The following MACROD2 variants were observed in gnomAD, a reference collection of about 807,000 sequenced individuals.
MACROD2 encodes the protein mono-ADP ribosylhydrolase 2.
Under a neutral mutation model 70.4 loss-of-function variants are expected in MACROD2, and 36 were observed. That is an observed-to-expected ratio of 0.51 (90% CI 0.39 to 0.68). The LOEUF is 0.68. Among genes scored for constraint, MACROD2 ranks in the 30% least tolerant of loss-of-function variants. The pLI is 0.00. For synonymous variants in MACROD2, 172 were observed against 178.8 expected, an observed-to-expected ratio of 0.96 and a Z score of 0.30; for missense variants, 496 against 538.4, an observed-to-expected ratio of 0.92 and a Z score of 0.78.
At chr20:14,065,740 G>A (rs1420539860) in intron 2 of MACROD2, among the ~76,000 whole-genome samples, 1 of 152,214 alleles carries the variant, frequency 6.6e-6, no homozygotes, top group African/African-American at 2.4e-5. Flanking sequence ...GCTAGTAAGC[G>A]ACAGAGTTGA....
chr20:14,755,550 C>A (rs1194174962), intron 5 of MACROD2, among the ~76,000 whole-genome samples: 1 of 151,996 alleles, frequency 6.6e-6, no homozygotes, highest in Non-Finnish European at 1.5e-5. Context: ...ACTATATAGC[C>A]TTATCTACCA....
At chr20:15,771,869 G>A (rs1004190236) in intron 8 of MACROD2, among the ~76,000 whole-genome samples, 1 of 143,852 alleles carries the variant, frequency 7.0e-6, no homozygotes, top group Non-Finnish European at 1.5e-5. Context: ...CGGATCAAAA[G>A]GTCGGGAGAT....
At chr20:14,212,951 G>C (rs151130231) in intron 3 of MACROD2, among the ~76,000 whole-genome samples, 34 of 151,828 alleles carry the variant, frequency 2.2e-4, no homozygotes, top group African/African-American at 7.0e-4. Context: ...TTCTACATGT[G>C]ATAACCGTGG....
At chr20:15,480,739 A>G (rs911336485) in intron 7 of MACROD2, among the ~76,000 whole-genome samples, 1 of 151,696 alleles carries the variant, frequency 6.6e-6, no homozygotes, top group East Asian at 1.9e-4. Flanking sequence ...TCATTTCCCC[A>G]TGCCACTCCC....
intron 8 of MACROD2, among the ~76,000 whole-genome samples, chr20:15,616,673 C>G (rs2049044115): frequency 6.6e-6 from 1 of 152,190 alleles, no homozygotes. Context: ...AATTCCATCT[C>G]AAATTGGATT....
intron 15 of MACROD2, among the ~76,000 whole-genome samples, chr20:16,024,825 T>A (rs2067055220): frequency 1.3e-5 from 2 of 152,246 alleles, no homozygotes; most frequent in Non-Finnish European, 2.9e-5. Flanking sequence ...AATTTTTTTT[T>A]ACGAGCAAAA....
chr20:14,083,792 G>A (rs1038121112), intron 2 of MACROD2, among the ~76,000 whole-genome samples: 1 of 151,482 alleles, frequency 6.6e-6, no homozygotes, highest in African/African-American at 2.4e-5. Flanking sequence ...GAATACTTCT[G>A]GGAGAGGCCC....
intron 4 of MACROD2, among the ~76,000 whole-genome samples, chr20:14,679,544 A>G (rs1050803105): frequency 6.6e-6 from 1 of 152,204 alleles, no homozygotes; most frequent in East Asian, 1.9e-4. Flanking sequence ...ACATGACTTT[A>G]ATAGAGAAGC....
chr20:14,063,926 C>T (rs1203415068), intron 2 of MACROD2, among the ~76,000 whole-genome samples: 1 of 152,076 alleles, frequency 6.6e-6, no homozygotes, highest in Non-Finnish European at 1.5e-5. Flanking sequence ...AGGGTTTCAC[C>T]ATGTTGGTCA....
intron 8 of MACROD2, among the ~76,000 whole-genome samples, chr20:15,577,558 C>A (rs556258338): frequency 4.6e-5 from 7 of 152,146 alleles, no homozygotes; most frequent in African/African-American, 1.7e-4. Context: ...GTTGGAAAAA[C>A]CACTATTTGT....
chr20:15,122,285 G>C (rs1289940489), intron 5 of MACROD2, among the ~76,000 whole-genome samples: 1 of 152,106 alleles, frequency 6.6e-6, no homozygotes, highest in South Asian at 2.1e-4. Flanking sequence ...ATTGCTATTT[G>C]TTTGAAGGCA....
intron 2 of MACROD2, among the ~76,000 whole-genome samples, chr20:14,016,430 C>A (rs1464437354): frequency 2.6e-5 from 4 of 151,984 alleles, no homozygotes; most frequent in African/African-American, 9.7e-5. Context: ...TCCAGTTTAT[C>A]TGTTTTTTCT....
At chr20:14,978,507 TTTCCC>T (rs1176794845) in intron 5 of MACROD2, among the ~76,000 whole-genome samples, 1 of 152,060 alleles carries the variant, frequency 6.6e-6, no homozygotes, top group Non-Finnish European at 1.5e-5. Context: ...CCTTGCTAGT[TTTCCC>T]AGTTTGCCAT....
intron 4 of MACROD2, among the ~76,000 whole-genome samples, chr20:14,505,679 G>A (rs1476994327): frequency 2.0e-5 from 3 of 152,198 alleles, no homozygotes; most frequent in African/African-American, 4.8e-5. Context: ...TAGTAAGTCT[G>A]AGGTGAAGTC....
chr20:14,055,743 GT>G (rs4052957), intron 2 of MACROD2, among the ~76,000 whole-genome samples: 118,302 of 146,010 alleles, frequency 0.81, 48,011 homozygotes, highest in African/African-American at 0.86. Context: ...GATCAGTACT[GT>G]TTTTTTTTTT....
At chr20:14,567,950 T>C (rs1437446986) in intron 4 of MACROD2, among the ~76,000 whole-genome samples, 2 of 152,048 alleles carry the variant, frequency 1.3e-5, no homozygotes, top group African/African-American at 4.8e-5. Context: ...TGGCAAAACA[T>C]TATTTCTCAT....
intron 6 of MACROD2, among the ~76,000 whole-genome samples, chr20:15,354,305 A>G (rs1474394481): frequency 1.3e-5 from 2 of 151,924 alleles, no homozygotes; most frequent in Admixed American, 6.6e-5. Context: ...AACAATGAGA[A>G]CACATGGACA....
chr20:14,462,081 T>C (rs936427745), intron 3 of MACROD2, among the ~76,000 whole-genome samples: 20 of 152,200 alleles, frequency 1.3e-4, no homozygotes, highest in African/African-American at 4.8e-4. Context: ...ATGCTATTTC[T>C]AGTTCTAGAT....
At chr20:15,140,449 A>T (rs189013708) in intron 5 of MACROD2, among the ~76,000 whole-genome samples, 1 of 152,278 alleles carries the variant, frequency 6.6e-6, no homozygotes, top group Admixed American at 6.5e-5. Flanking sequence ...AACCGAGATG[A>T]AAATTGTTGG....
Sources: gnomAD v4.1 joint callset for allele counts (sites outside exome capture counted in the v4.1 genomes callset) on GRCh38, gnomAD v4.1.1 for gene constraint, MANE v1.5 for transcripts, NCBI Gene and HGNC (gene_info 2026-07-23, HGNC 2026-07-21) for gene names.